The following MVB12B variants were observed in gnomAD, a reference collection of about 807,000 sequenced individuals.
MVB12B encodes the protein multivesicular body subunit 12B.
MVB12B carries 16 observed loss-of-function variants against 41.6 expected under a neutral mutation model. That is an observed-to-expected ratio of 0.38 (90% confidence interval 0.26 to 0.58). MVB12B has a LOEUF of 0.58. Among genes scored for constraint, MVB12B ranks in the 20% least tolerant of loss-of-function variants. The pLI, the probability that MVB12B is intolerant of heterozygous loss-of-function variation, is 0.62. For synonymous variants in MVB12B, 133 were observed against 139.7 expected, an observed-to-expected ratio of 0.95 and a Z score of 0.34; for missense variants, 274 against 380.2, an observed-to-expected ratio of 0.72 and a Z score of 2.32.
At chr9:126,491,934 C>G (rs1298010184) in intron 9 of MVB12B, among the ~76,000 whole-genome samples, 2 of 152,064 alleles carry the variant, frequency 1.3e-5, no homozygotes, top group Non-Finnish European at 2.9e-5. Context: ...AATTATCTTC[C>G]CATAAATTGT....
chr9:126,489,561 CAG>C (rs1432132893), intron 9 of MVB12B, among the ~76,000 whole-genome samples: 1 of 152,238 alleles, frequency 6.6e-6, no homozygotes, highest in Non-Finnish European at 1.5e-5. Flanking sequence ...TGTGGAAAGA[CAG>C]AAAACCTCTC....
chr9:126,374,958 T>C (rs1830438718), intron 2 of MVB12B, among the ~76,000 whole-genome samples: 1 of 152,238 alleles, frequency 6.6e-6, no homozygotes, highest in Admixed American at 6.5e-5. Context: ...TAAGAAAATA[T>C]AGCAGCCCCT....
intron 2 of MVB12B, among the ~76,000 whole-genome samples, chr9:126,342,695 A>G (rs1184898421): frequency 6.6e-6 from 1 of 152,092 alleles, no homozygotes; most frequent in Non-Finnish European, 1.5e-5. Context: ...TGGCCTCTGG[A>G]CTGTGTGCAG....
intron 7 of MVB12B, among the ~76,000 whole-genome samples, chr9:126,456,356 T>C (rs1258765912): frequency 6.6e-6 from 1 of 152,240 alleles, no homozygotes; most frequent in Non-Finnish European, 1.5e-5. Flanking sequence ...AACATTCAGG[T>C]GAACTTGTTA....
rs573785499 is a variant in MVB12B at position 126,411,028 on chromosome 9, C to T, written c.663-10826C>T. Among the ~76,000 whole-genome samples, 222 of 152,076 alleles carry T rather than the reference C, an allele frequency of 1.5e-3. 1 individual carries two copies. The highest frequency in any genetic ancestry group is 7.3e-3 in the Admixed American group (112 of 15,272). On this transcript the variant is annotated intron_variant, in intron 6 of 9. Transcript: ENST00000361171. ...TCAGCCTCCTGAGTAGCTGGGATTA[C>T]AGGCACACGCCACCACGCCCGGCTA...
intron 2 of MVB12B, among the ~76,000 whole-genome samples, chr9:126,349,592 A>G (rs1016703711): frequency 3.9e-5 from 6 of 152,210 alleles, no homozygotes; most frequent in Non-Finnish European, 8.8e-5. Flanking sequence ...TATAAACGGA[A>G]TTATAGTATG....
chr9:126,388,061 T>C (rs1830848593), intron 4 of MVB12B, among the ~76,000 whole-genome samples: 1 of 152,232 alleles, frequency 6.6e-6, no homozygotes, highest in African/African-American at 2.4e-5. Context: ...CTATTTAACA[T>C]GCACAGTTCA....
chr9:126,499,787 G>A (rs1219704885), intron 9 of MVB12B, among the ~76,000 whole-genome samples: 1 of 152,230 alleles, frequency 6.6e-6, no homozygotes, highest in African/African-American at 2.4e-5. Flanking sequence ...AGGGAGAGAG[G>A]GTGGGGGCGC....
chr9:126,424,163 G>A (rs911899357), intron 7 of MVB12B, among the ~76,000 whole-genome samples: 2 of 152,162 alleles, frequency 1.3e-5, no homozygotes, highest in Non-Finnish European at 2.9e-5. Flanking sequence ...TCAAAACAGT[G>A]TAATTAGAAA....
Position 126,506,967 on chromosome 9 carries a change from C to T in MVB12B, c.*3704C>T, listed in dbSNP as rs1439807882. The T allele has an allele frequency of 2.0e-5, 3 of 152,668 alleles. No homozygotes were observed. The highest frequency in any genetic ancestry group is 4.4e-5 in the Non-Finnish European group (3 of 68,040). 9.5% of individuals were successfully genotyped at this position (152,668 alleles called of 1,614,324 possible). A position where few individuals can be genotyped will look rare whatever the true frequency, so the allele number is the denominator to read the frequency against. On this transcript the variant is annotated 3_prime_UTR_variant, in exon 10 of 10. Coordinates refer to ENST00000361171, the MANE Select transcript of MVB12B (RefSeq NM_033446.3). Reference sequence around the variant, plus strand: ...TATTCAAGGTGACTCTTGTACTTGGCAAGGGAAGTCCACTGTGTGATTGTC... The same window carrying T: ...TATTCAAGGTGACTCTTGTACTTGGTAAGGGAAGTCCACTGTGTGATTGTC...
At chr9:126,328,434 C>T (rs939760367) in intron 1 of MVB12B, among the ~76,000 whole-genome samples, 3 of 152,294 alleles carry the variant, frequency 2.0e-5, no homozygotes, top group Middle Eastern at 6.8e-3. Context: ...TGCTAGGGAC[C>T]TTTTACCACT....
chr9:126,432,963 A>G (rs1306593327), intron 7 of MVB12B, among the ~76,000 whole-genome samples: 1 of 152,206 alleles, frequency 6.6e-6, no homozygotes. Context: ...GGACCTCATC[A>G]GAGTGAGGCC....
chr9:126,434,823 T>C (rs1832426837), intron 7 of MVB12B, among the ~76,000 whole-genome samples: 1 of 152,180 alleles, frequency 6.6e-6, no homozygotes, highest in African/African-American at 2.4e-5. Flanking sequence ...GTTTCCGAGT[T>C]CTAAGAAAGG....
intron 7 of MVB12B, among the ~76,000 whole-genome samples, chr9:126,446,015 T>TA (rs1832757313): frequency 6.6e-6 from 1 of 152,224 alleles, no homozygotes; most frequent in Non-Finnish European, 1.5e-5. Context: ...TTTTCATTCT[T>TA]ACCTGGTTCC....
At chr9:126,373,346 G>A (rs1406408303) in intron 2 of MVB12B, among the ~76,000 whole-genome samples, 4 of 152,202 alleles carry the variant, frequency 2.6e-5, no homozygotes, top group South Asian at 4.1e-4. Flanking sequence ...CTGTGCCCAC[G>A]CTGCTCTTAT....
chr9:126,361,306 C>T (rs1256823176), intron 2 of MVB12B, among the ~76,000 whole-genome samples: 1 of 152,170 alleles, frequency 6.6e-6, no homozygotes, highest in East Asian at 1.9e-4. Context: ...TTAAGTAATA[C>T]ACAACTTCAT....
At chr9:126,439,056 C>CGAGG (rs1832566494) in intron 7 of MVB12B, among the ~76,000 whole-genome samples, 1 of 151,966 alleles carries the variant, frequency 6.6e-6, no homozygotes, top group African/African-American at 2.4e-5. Context: ...TTAAAGGGTT[C>CGAGG]GATTCCCTTA....
chr9:126,430,536 G>A (rs575455771), intron 7 of MVB12B, among the ~76,000 whole-genome samples: 1 of 151,972 alleles, frequency 6.6e-6, no homozygotes, highest in South Asian at 2.1e-4. Flanking sequence ...CCTTGAGTGA[G>A]AGGGCAGAGA....
intron 2 of MVB12B, among the ~76,000 whole-genome samples, chr9:126,369,778 C>T (rs1335874231): frequency 3.3e-5 from 5 of 152,112 alleles, no homozygotes; most frequent in African/African-American, 1.2e-4. Context: ...CTCAGCCTCC[C>T]GAGTAGCTGG....
Sources: gnomAD v4.1 joint callset for allele counts (sites outside exome capture counted in the v4.1 genomes callset) on GRCh38, gnomAD v4.1.1 for gene constraint, MANE v1.5 for transcripts, NCBI Gene and HGNC (gene_info 2026-07-23, HGNC 2026-07-21) for gene names.